Variants in L3MBTL4 observed in about 807,000 individuals in gnomAD.
L3MBTL4 encodes lethal(3)malignant brain tumor-like protein 4.
L3MBTL4 carries 70 observed loss-of-function variants against 84.5 expected under a neutral mutation model. The ratio of observed to expected loss-of-function variants is 0.83; its 90% CI spans 0.68 to 1.01. L3MBTL4 has a LOEUF of 1.01. L3MBTL4 is among the 50% of genes least tolerant of loss of function. The pLI is 0.00. For synonymous variants in L3MBTL4, 274 were observed against 259.8 expected (o/e 1.05, Z -0.52); for missense variants, 715 against 754.8 (o/e 0.95, Z 0.62).
At chr18:6,126,986 C>T (rs1193334831) in intron 14 of L3MBTL4, among the ~76,000 whole-genome samples, 3 of 152,142 alleles carry the variant, frequency 2.0e-5, no homozygotes, top group African/African-American at 7.2e-5. Context: ...AATGTAAGCA[C>T]GTGTCACTGA....
At chr18:6,187,341 A>G (rs945178215) in intron 12 of L3MBTL4, among the ~76,000 whole-genome samples, 32 of 152,192 alleles carry the variant, frequency 2.1e-4, no homozygotes, top group African/African-American at 7.5e-4. Context: ...AGGATATCTA[A>G]CATTACTCGA....
At chr18:6,169,061 A>C (rs1230888097) in intron 13 of L3MBTL4, among the ~76,000 whole-genome samples, 1 of 152,122 alleles carries the variant, frequency 6.6e-6, no homozygotes, top group African/African-American at 2.4e-5. Context: ...TTATGCAGCC[A>C]AAAAACACAT....
At chr18:6,098,284 T>C (rs1320277552) in intron 14 of L3MBTL4, among the ~76,000 whole-genome samples, 1 of 152,182 alleles carries the variant, frequency 6.6e-6, no homozygotes, top group Non-Finnish European at 1.5e-5. Flanking sequence ...CTTCCCAGCC[T>C]GTGTGCGGCT....
chr18:6,022,966 C>G (rs757306057), intron 16 of L3MBTL4, among the ~76,000 whole-genome samples: 13 of 152,056 alleles, frequency 8.5e-5, no homozygotes, highest in South Asian at 2.1e-4. Flanking sequence ...CCTGACCTTG[C>G]GTAAATTTCT....
intron 13 of L3MBTL4, among the ~76,000 whole-genome samples, chr18:6,152,660 G>T (rs2144856595): frequency 6.6e-6 from 1 of 152,250 alleles, no homozygotes; most frequent in East Asian, 1.9e-4. Context: ...CCCTTTATCA[G>T]ATGTCGGGTT....
At chr18:5,987,628 T>G (rs985757348) in intron 16 of L3MBTL4, among the ~76,000 whole-genome samples, 2 of 152,254 alleles carry the variant, frequency 1.3e-5, no homozygotes, top group Non-Finnish European at 2.9e-5. Flanking sequence ...CATTCTTTGA[T>G]ATATCTTTCT....
chr18:6,322,508 AGG>A (rs2051474956), intron 1 of L3MBTL4, among the ~76,000 whole-genome samples: 3 of 149,916 alleles, frequency 2.0e-5, no homozygotes, highest in Non-Finnish European at 4.4e-5. Flanking sequence ...GAAGGAAAGA[AGG>A]AAAAAAAAAA....
At chr18:6,400,235 TC>T (rs1397765355) in intron 1 of L3MBTL4, among the ~76,000 whole-genome samples, 2 of 152,238 alleles carry the variant, frequency 1.3e-5, no homozygotes, top group Non-Finnish European at 2.9e-5. Context: ...GCCAATTTCC[TC>T]CCTTTCCTTT....
chr18:6,405,737 A>C (rs1270118096), intron 1 of L3MBTL4, among the ~76,000 whole-genome samples: 2 of 138,872 alleles, frequency 1.4e-5, no homozygotes, highest in Non-Finnish European at 3.1e-5. Flanking sequence ...TTCTAAGGAG[A>C]GAGGTCTGAG....
intron 15 of L3MBTL4, chr18:6,082,395 A>G (rs2058109465): frequency 6.6e-6 from 1 of 152,174 alleles, no homozygotes; most frequent in African/African-American, 2.4e-5. Flanking sequence ...CTTAAATGTA[A>G]GCAGTGAGTA....
intron 1 of L3MBTL4, among the ~76,000 whole-genome samples, chr18:6,359,180 C>T (rs1230311478): frequency 6.6e-6 from 1 of 152,198 alleles, no homozygotes; most frequent in Non-Finnish European, 1.5e-5. Flanking sequence ...TCAAACACAG[C>T]TGGGCACGGC....
At chr18:6,269,776 C>T (rs769049657) in intron 4 of L3MBTL4, among the ~76,000 whole-genome samples, 4 of 152,024 alleles carry the variant, frequency 2.6e-5, no homozygotes, top group African/African-American at 9.7e-5. Context: ...AAGAAAAAAA[C>T]GAAGACCATG....
At chr18:6,261,686 C>G (rs1049659721) in intron 5 of L3MBTL4, among the ~76,000 whole-genome samples, 3 of 152,164 alleles carry the variant, frequency 2.0e-5, no homozygotes, top group African/African-American at 7.2e-5. Context: ...CACGTGTGTT[C>G]TTTTGGTCTT....
chr18:6,042,131 A>G (rs535673643), intron 16 of L3MBTL4, among the ~76,000 whole-genome samples: 1 of 152,296 alleles, frequency 6.6e-6, no homozygotes, highest in Admixed American at 6.5e-5. Context: ...CATGCTTTAC[A>G]GAGAAAATAG....
intron 13 of L3MBTL4, among the ~76,000 whole-genome samples, chr18:6,158,979 CTT>C (rs529029013): frequency 2.0e-5 from 3 of 152,174 alleles, no homozygotes; most frequent in Non-Finnish European, 4.4e-5. Context: ...AGGGATGTCT[CTT>C]TATGAAAAGG....
chr18:6,141,875 T>A (rs1568190169), intron 13 of L3MBTL4, among the ~76,000 whole-genome samples: 1 of 152,220 alleles, frequency 6.6e-6, no homozygotes, highest in East Asian at 1.9e-4. Flanking sequence ...GCTGTTAGGA[T>A]GAAAACTCGA....
intron 17 of L3MBTL4, among the ~76,000 whole-genome samples, chr18:5,964,120 A>G (rs1386723919): frequency 6.6e-6 from 1 of 152,236 alleles, no homozygotes; most frequent in African/African-American, 2.4e-5. Context: ...GTGACCACTG[A>G]CACACCAGCA....
rs1021883462 is a variant in L3MBTL4, at chr18:6,414,173, C to A, written c.-91+628G>T. ...GCCGCCGTCCCAGGCTGGCCAGGCG[C>A]CCGCCCGCCCTGCGCGCACTCCCTG... On this transcript the variant is annotated intron_variant, in intron 1 of 18. Transcript: ENST00000317931. This position sits in a 1 kb window ranked among gnomAD's most constrained non-coding sequence, Gnocchi z 5.4. 8 of 152,434 alleles carry A rather than the reference C, an allele frequency of 5.2e-5. No homozygotes were observed. The highest frequency in any genetic ancestry group is 4.6e-4 in the Admixed American group (7 of 15,306). The allele number at this position is 152,434 out of a possible 1,614,324, so 9.4% of individuals were successfully genotyped here.
intron 4 of L3MBTL4, among the ~76,000 whole-genome samples, chr18:6,290,127 G>T (rs989820093): frequency 6.6e-6 from 1 of 152,100 alleles, no homozygotes; most frequent in African/African-American, 2.4e-5. Flanking sequence ...TCACTAGGTT[G>T]CCCAGGCTGA....
Sources: allele counts gnomAD v4.1 joint callset (sites outside exome capture counted in the v4.1 genomes callset), GRCh38; gene constraint gnomAD v4.1.1; non-coding constraint Gnocchi (gnomAD v3.1); transcripts MANE v1.5; gene names NCBI Gene and HGNC (gene_info 2026-07-23, HGNC 2026-07-21).